Variants in CDH6 observed in about 807,000 individuals in gnomAD.
The protein encoded by CDH6 is cadherin 6.
Under a neutral mutation model 78.0 loss-of-function variants are expected in CDH6, and 31 were observed. That is an observed-to-expected ratio of 0.40 (90% confidence interval 0.30 to 0.54). CDH6 has a LOEUF of 0.54. Ranked by LOEUF, CDH6 falls within the 20% of genes least tolerant of loss-of-function variation. CDH6 has a pLI of 0.56. For synonymous variants in CDH6, 376 were observed against 368.8 expected (o/e 1.02, Z -0.23); for missense variants, 724 against 975.9 (o/e 0.74, Z 3.44).
chr5:31,302,932 A>C (rs975892856), intron 6 of CDH6, among the ~76,000 whole-genome samples: 1 of 129,212 alleles, frequency 7.7e-6, no homozygotes, highest in African/African-American at 2.6e-5. Flanking sequence ...AGAAAGAAAG[A>C]AAGAAAGAAA....
At chr5:31,267,212 T>C in intron 1 of CDH6, 134 bp from the exon 2 acceptor site, 1 of 465,194 alleles carries the variant, frequency 2.1e-6, no homozygotes, top group South Asian at 3.4e-5. Context: ...GTCTCCTTCG[T>C]TTCAAAATTG....
At position 31,267,810 on chromosome 5, in the gene CDH6, T is replaced by C. The variant is rs370510319; in HGVS notation, c.228+109T>C. The stretch of plus-strand genomic sequence containing the variant: ...CTATTCCCCAATATAGTAAGAATTG[T>C]TGCTTAACTGGTAAGACTTTTTTTT... On this transcript the variant is annotated intron_variant, in intron 2 of 11. Coordinates refer to ENST00000265071, the MANE Select transcript of CDH6 (RefSeq NM_004932.4). 1.2e-5 allele frequency: 10 copies of C among 827,802 alleles called. No homozygotes were observed. In the African/African-American group the frequency reaches 1.5e-4, roughly 13 times the overall value. 51.3% of individuals were successfully genotyped at this position (827,802 alleles called of 1,614,324 possible).
At chr5:31,311,812 C>T (rs931360999) in intron 7 of CDH6, among the ~76,000 whole-genome samples, 1 of 152,206 alleles carries the variant, frequency 6.6e-6, no homozygotes, top group African/African-American at 2.4e-5. Context: ...ACAATCACCT[C>T]CCATCACGCC....
rs1738566594 is a variant in CDH6 at position 31,324,410 on chromosome 5, G to A, written c.*1102G>A. ...CACTTGAACCTAATACCCTGCCCTT[G>A]ACATCTGGAAACCTCTACATATTTA... On this transcript the variant is annotated 3_prime_UTR_variant, in exon 12 of 12. Transcript: ENST00000265071. The A allele has an allele frequency of 4.6e-6, 1 of 215,128 alleles. No homozygotes were observed. Among genetic ancestry groups the A allele is most frequent in the Non-Finnish European group, 9.4e-6 (1 of 106,774 alleles). The allele number at this position is 215,128 out of a possible 1,614,324, so 13.3% of individuals were successfully genotyped here. A position where few individuals can be genotyped will look rare whatever the true frequency, so the allele number is the denominator to read the frequency against.
chr5:31,305,245 A>G lies in CDH6; in HGVS notation c.1071A>G (p.Arg357=), dbSNP rs201380772. Residue 357 remains arginine (R), a synonymous_variant, in exon 7 of 12, where the codon CGA becomes CGG. Coordinates refer to ENST00000265071, the MANE Select transcript of CDH6 (RefSeq NM_004932.4). ...VEASNPYVEP[R]FLYLGPFKDS... ...CCTCCAATCCTTATGTTGAGCCACG[A>G]TTTCTCTACTTGGGGCCTTTCAAAG... is the stretch of plus-strand genomic sequence containing the variant. 6.2e-6 allele frequency: 10 copies of G among 1,613,964 alleles called. No homozygotes were observed. Among genetic ancestry groups the G allele is most frequent in the Non-Finnish European group, 8.5e-6 (10 of 1,180,010 alleles).
chr5:31,241,867 G>A (rs531931828), intron 1 of CDH6, among the ~76,000 whole-genome samples: 35 of 152,284 alleles, frequency 2.3e-4, no homozygotes, highest in Middle Eastern at 3.4e-3. Flanking sequence ...ATGTGTTTTC[G>A]TGCCTATATT....
chr5:31,199,476 A>ATG (rs1328840472), intron 1 of CDH6, among the ~76,000 whole-genome samples: 1 of 92,708 alleles, frequency 1.1e-5, no homozygotes, highest in Non-Finnish European at 2.2e-5. Context: ...ACACACACAT[A>ATG]TGTGTATATA....
intron 1 of CDH6, among the ~76,000 whole-genome samples, chr5:31,252,318 A>G (rs1236598630): frequency 2.0e-5 from 2 of 100,988 alleles, no homozygotes; most frequent in Admixed American, 9.0e-5. Flanking sequence ...AAGGTGTATT[A>G]TGTGTGTGTG....
chr5:31,257,232 G>A (rs1326975114), intron 1 of CDH6, among the ~76,000 whole-genome samples: 5 of 152,106 alleles, frequency 3.3e-5, no homozygotes, highest in Non-Finnish European at 4.4e-5. Flanking sequence ...GCGCGATCTC[G>A]GCTCACTGCA....
At chr5:31,197,173 C>T (rs989068127) in intron 1 of CDH6, among the ~76,000 whole-genome samples, 1 of 152,116 alleles carries the variant, frequency 6.6e-6, no homozygotes, top group African/African-American at 2.4e-5. Context: ...CATTTCTTTC[C>T]TTGATGTATC....
At chr5:31,221,449 G>A (rs1741001743) in intron 1 of CDH6, among the ~76,000 whole-genome samples, 1 of 152,132 alleles carries the variant, frequency 6.6e-6, no homozygotes, top group South Asian at 2.1e-4. Flanking sequence ...GGAATTAAGA[G>A]AGAAATCATT....
At chr5:31,265,625 GA>G (rs995735720) in intron 1 of CDH6, among the ~76,000 whole-genome samples, 2 of 151,876 alleles carry the variant, frequency 1.3e-5, no homozygotes, top group African/African-American at 4.8e-5. Flanking sequence ...CTGATGTAGA[GA>G]AAAAAATACT....
intron 1 of CDH6, among the ~76,000 whole-genome samples, chr5:31,259,377 T>C (rs947859499): frequency 1.3e-5 from 2 of 152,216 alleles, no homozygotes; most frequent in Admixed American, 6.5e-5. Context: ...CTAAGATACC[T>C]TCATCTCCTG....
chr5:31,201,945 G>T (rs1740360670), intron 1 of CDH6, among the ~76,000 whole-genome samples: 1 of 152,120 alleles, frequency 6.6e-6, no homozygotes, highest in African/African-American at 2.4e-5. Flanking sequence ...AAAAAAATAT[G>T]CTTTGCCAAG....
At chr5:31,256,078 G>T (rs1328756246) in intron 1 of CDH6, among the ~76,000 whole-genome samples, 2 of 152,128 alleles carry the variant, frequency 1.3e-5, no homozygotes, top group East Asian at 1.9e-4. Flanking sequence ...AGACAGAAAA[G>T]AATTCATTTG....
chr5:31,236,643 T>TA (rs1042164879), intron 1 of CDH6, among the ~76,000 whole-genome samples: 9 of 152,032 alleles, frequency 5.9e-5, no homozygotes, highest in Admixed American at 3.3e-4. Flanking sequence ...ACTGGGGATT[T>TA]AAAAAAAAGG....
chr5:31,196,006 G>T (rs572607369), intron 1 of CDH6, among the ~76,000 whole-genome samples: 1 of 152,122 alleles, frequency 6.6e-6, no homozygotes, highest in Non-Finnish European at 1.5e-5. Context: ...TATCTCCATA[G>T]GGACTTTTAG....
rs1579849188 is a variant in CDH6 at position 31,247,933 on chromosome 5, C to G, written c.-128-19413C>G. Among the ~76,000 whole-genome samples the G allele has an allele frequency of 5.3e-5, 8 of 152,240 alleles. 2 individuals are homozygous for G. The highest frequency in any genetic ancestry group is 5.2e-4 in the Admixed American group (8 of 15,296). ...CCAGAGAAGGCTCAACAACCAAGAG[C>G]TGTGAGAGGTTATTTATTTGCTAAA... On this transcript the variant is annotated intron_variant, in intron 1 of 11. Coordinates refer to ENST00000265071, the MANE Select transcript of CDH6 (RefSeq NM_004932.4).
At chr5:31,226,701 C>T (rs910571872) in intron 1 of CDH6, among the ~76,000 whole-genome samples, 13 of 152,230 alleles carry the variant, frequency 8.5e-5, no homozygotes, top group African/African-American at 2.9e-4. Flanking sequence ...GAGAAGAAAA[C>T]GGTCAGTTCA....
Sources: allele counts gnomAD v4.1 joint callset (sites outside exome capture counted in the v4.1 genomes callset), GRCh38; gene constraint gnomAD v4.1.1; transcripts MANE v1.5; gene names NCBI Gene and HGNC (gene_info 2026-07-23, HGNC 2026-07-21).